The following NINL variants were observed in gnomAD, a reference collection of about 807,000 sequenced individuals.
The protein encoded by NINL is ninein-like protein.
NINL carries 153 observed loss-of-function variants against 160.3 expected under a neutral mutation model. That is an observed-to-expected ratio of 0.95 (90% CI 0.84 to 1.09). The LOEUF (loss-of-function observed/expected upper bound fraction) is 1.09. NINL is among the 50% of genes least tolerant of loss of function. NINL has a pLI of 0.00. For missense variants in NINL, 1,829 were observed against 1,764.0 expected (o/e 1.04, Z -0.66); for synonymous variants, 800 against 734.8 (o/e 1.09, Z -1.43).
At chr20:25,511,163 C>T (rs968712971) in intron 4 of NINL, among the ~76,000 whole-genome samples, 12 of 152,196 alleles carry the variant, frequency 7.9e-5, no homozygotes, top group Non-Finnish European at 1.3e-4. Flanking sequence ...TCTCAGGACA[C>T]GCTCGCCATA....
Position 25,476,481 on chromosome 20 carries a change from C to A in NINL, c.2810G>T (p.Gly937Val). 1 of 1,605,720 alleles carries A rather than the reference C, an allele frequency of 6.2e-7. No homozygotes were observed. Residue 937 changes from glycine to valine, a missense_variant, in exon 17 of 24, where the codon GGA becomes GTA. By Grantham distance (109) the Gly-to-Val change is moderately radical. Coordinates refer to ENST00000278886, the MANE Select transcript of NINL (RefSeq NM_025176.6). ...TCCCAGCAGAGGCAGCTCCCGGGCTCCAGGCTGCTCCAGCCCCGCTGCGCT... is the reference window on the plus strand; with the variant it reads ...TCCCAGCAGAGGCAGCTCCCGGGCTACAGGCTGCTCCAGCCCCGCTGCGCT... ...GASAAGLEQPGARELPLLGTE... is the reference protein window; with the variant it reads ...GASAAGLEQPVARELPLLGTE...
chr20:25,499,326 G>T, intron 8 of NINL: 1 of 735,388 alleles, frequency 1.4e-6, no homozygotes, highest in South Asian at 6.1e-5. Flanking sequence ...GAGTTGCAAG[G>T]CAGAATTTGG....
At chr20:25,522,960 T>C (rs968375943) in intron 2 of NINL, among the ~76,000 whole-genome samples, 1 of 152,282 alleles carries the variant, frequency 6.6e-6, no homozygotes, top group Non-Finnish European at 1.5e-5. Context: ...TCTCTCAGTA[T>C]CCCTGGGGGA....
At chr20:25,470,561 A>C (rs2063070956) in intron 17 of NINL, among the ~76,000 whole-genome samples, 1 of 152,196 alleles carries the variant, frequency 6.6e-6, no homozygotes, top group African/African-American at 2.4e-5. Flanking sequence ...GTGAATCTCA[A>C]AGTGGGAAAA....
intron 1 of NINL, among the ~76,000 whole-genome samples, chr20:25,568,777 T>C (rs1023328761): frequency 5.3e-5 from 8 of 152,012 alleles, no homozygotes; most frequent in African/African-American, 9.7e-5. Flanking sequence ...ATAGCAGCCC[T>C]GAAATTGAAG....
rs569255550 is a variant in NINL, at chr20:25,577,102, C to T, written c.-12+8353G>A. Among the ~76,000 whole-genome samples the T allele has an allele frequency of 2.2e-4, 34 of 152,308 alleles. 1 individual carries two copies. The highest frequency in any genetic ancestry group is 8.2e-4 in the African/African-American group (34 of 41,570). ...TTGGGCATCCACGTTTCTGTCCCTA[C>T]CCAGAGTTGGGGAAAATCTCAGCCT... On this transcript the variant is annotated intron_variant, in intron 1 of 23. Transcript: ENST00000278886.
intron 8 of NINL, among the ~76,000 whole-genome samples, chr20:25,500,481 A>G (rs404775): frequency 0.57 from 86,827 of 152,078 alleles, 26,299 homozygotes; most frequent in East Asian, 0.98. Context: ...TAACTGCTGT[A>G]ACAGTGGTGC....
At chr20:25,561,469 G>A (rs1275455123) in intron 1 of NINL, among the ~76,000 whole-genome samples, 12 of 152,300 alleles carry the variant, frequency 7.9e-5, no homozygotes, top group African/African-American at 2.9e-4. Flanking sequence ...TCTGGGAAAT[G>A]AGGAGCGTCT....
chr20:25,473,949 C>A (rs1568862891), intron 17 of NINL, among the ~76,000 whole-genome samples: 1 of 152,136 alleles, frequency 6.6e-6, no homozygotes, highest in African/African-American at 2.4e-5. Context: ...AGATACAGGT[C>A]TCAGAAGTAA....
chr20:25,521,668 G>C (rs1345745553), intron 2 of NINL, among the ~76,000 whole-genome samples: 2 of 152,194 alleles, frequency 1.3e-5, no homozygotes, highest in Non-Finnish European at 2.9e-5. Context: ...CCACAAAGCA[G>C]TATAATGACT....
intron 19 of NINL, among the ~76,000 whole-genome samples, chr20:25,466,945 A>G (rs2062928750): frequency 1.3e-5 from 2 of 152,356 alleles, no homozygotes; most frequent in African/African-American, 2.4e-5. Context: ...TGTCTCTACT[A>G]AAAACACAAA....
At chr20:25,505,965 C>G (rs1000643165) in intron 5 of NINL, among the ~76,000 whole-genome samples, 3 of 152,222 alleles carry the variant, frequency 2.0e-5, no homozygotes, top group Admixed American at 2.0e-4. Context: ...CATGCAAGCA[C>G]TTAAAAGAGG....
intron 11 of NINL, among the ~76,000 whole-genome samples, chr20:25,490,599 C>T (rs1308172551): frequency 6.8e-6 from 1 of 147,698 alleles, no homozygotes; most frequent in African/African-American, 2.5e-5. Context: ...GTGGGGAATA[C>T]AAAAGCATTG....
chr20:25,489,233 C>A lies in NINL; in HGVS notation c.1677+11G>T, dbSNP rs751258722. 106 of 1,613,550 alleles carry A rather than the reference C, an allele frequency of 6.6e-5. No individual in the cohort carries two copies. Among genetic ancestry groups the A allele is most frequent in the Non-Finnish European group, 8.5e-5 (100 of 1,179,566 alleles). On this transcript the variant is annotated intron_variant, in intron 13 of 23. Coordinates refer to ENST00000278886, the MANE Select transcript of NINL (RefSeq NM_025176.6). The stretch of plus-strand genomic sequence containing the variant: ...ACATGAGACTAAAAGGCAGACAGAG[C>A]AGGCACGTACCCGGCACTTGAGCTC...
chr20:25,506,770 TCA>T (rs2063970368), intron 5 of NINL, among the ~76,000 whole-genome samples: 1 of 152,186 alleles, frequency 6.6e-6, no homozygotes, highest in Non-Finnish European at 1.5e-5. Context: ...CATATTGACC[TCA>T]CACCATCAAG....
intron 15 of NINL, 72 bp downstream of exon 15, chr20:25,480,089 C>A: frequency 9.4e-7 from 1 of 1,061,852 alleles, no homozygotes; most frequent in South Asian, 1.3e-5. Flanking sequence ...GAAATGTCAG[C>A]GTGCCCAAGT....
chr20:25,504,848 G>A, intron 6 of NINL, 40 bp downstream of exon 6: 1 of 1,601,322 alleles, frequency 6.2e-7, no homozygotes, highest in South Asian at 1.1e-5. Flanking sequence ...CGTGACCATG[G>A]CCAGGAATAT....
chr20:25,467,287 A>G, intron 19 of NINL, 102 bp downstream of exon 19: 1 of 1,060,798 alleles, frequency 9.4e-7, no homozygotes, highest in East Asian at 2.4e-5. Context: ...CAAGTCTTTT[A>G]GAAGAATATT....
chr20:25,585,018 G>A (rs1373227789), intron 1 of NINL, among the ~76,000 whole-genome samples: 1 of 151,828 alleles, frequency 6.6e-6, no homozygotes, highest in African/African-American at 2.4e-5. Flanking sequence ...GGGAATCCTG[G>A]GCCTCGACCA....
Sources: gnomAD v4.1 joint callset for allele counts (sites outside exome capture counted in the v4.1 genomes callset) on GRCh38, gnomAD v4.1.1 for gene constraint, MANE v1.5 for transcripts, NCBI Gene and HGNC (gene_info 2026-07-23, HGNC 2026-07-21) for gene names.